The following TEX26 variants were observed in gnomAD, a reference collection of about 807,000 sequenced individuals.
The protein encoded by TEX26 is testis-expressed protein 26.
TEX26 carries 34 observed loss-of-function variants against 35.3 expected under a neutral mutation model. The observed-to-expected ratio is 0.96, with a 90% CI of 0.73 to 1.28. TEX26 has a LOEUF of 1.28. Ranked by LOEUF, TEX26 falls within the 50% of genes most tolerant of loss-of-function variation. The probability of loss-of-function intolerance (pLI) is 0.00; values close to 1 mark genes in which losing one functional copy is unlikely to be tolerated. For missense variants in TEX26, 371 were observed against 330.1 expected (o/e 1.12, Z -0.96); for synonymous variants, 136 against 111.8 (o/e 1.22, Z -1.36).
intron 2 of TEX26, among the ~76,000 whole-genome samples, chr13:30,948,144 G>C (rs1260249763): frequency 6.6e-6 from 1 of 152,096 alleles, no homozygotes; most frequent in Non-Finnish European, 1.5e-5. Flanking sequence ...TATCATTGTG[G>C]GACATTTGGG....
At chr13:30,958,482 C>T (rs1001722440) in intron 4 of TEX26, among the ~76,000 whole-genome samples, 3 of 152,152 alleles carry the variant, frequency 2.0e-5, no homozygotes, top group Non-Finnish European at 4.4e-5. Flanking sequence ...TAATGACACC[C>T]AGTGACTGCT....
intron 4 of TEX26, among the ~76,000 whole-genome samples, chr13:30,958,510 C>T (rs150790317): frequency 6.2e-4 from 94 of 152,246 alleles, no homozygotes; most frequent in African/African-American, 2.1e-3. Context: ...GCTGGCTGCC[C>T]TGTGGGCTCT....
At chr13:30,957,636 G>A (rs530906434) in intron 4 of TEX26, among the ~76,000 whole-genome samples, 94 of 152,272 alleles carry the variant, frequency 6.2e-4, no homozygotes, top group African/African-American at 2.0e-3. Flanking sequence ...TTAGGGGAGC[G>A]CAGAGAGGAG....
At chr13:30,972,716 C>T (rs1350060932) in intron 6 of TEX26, among the ~76,000 whole-genome samples, 9 of 152,218 alleles carry the variant, frequency 5.9e-5, no homozygotes, top group African/African-American at 1.7e-4. Flanking sequence ...CTCACTGCAA[C>T]GTCTGCCTTG....
chr13:30,951,858 A>C (rs935606835), intron 2 of TEX26, among the ~76,000 whole-genome samples: 3 of 151,972 alleles, frequency 2.0e-5, no homozygotes, highest in Non-Finnish European at 4.4e-5. Context: ...CAGTGGTTTG[A>C]AATTGAATCT....
At chr13:30,968,838 C>T in intron 5 of TEX26, 47 bp from the exon 6 acceptor site, 3 of 1,583,920 alleles carry the variant, frequency 1.9e-6, no homozygotes, top group Non-Finnish European at 2.6e-6. Flanking sequence ...GACTGGTGTG[C>T]TTGGGTGCCA....
chr13:30,944,734 T>C (rs1307313777), intron 2 of TEX26, among the ~76,000 whole-genome samples: 3 of 151,946 alleles, frequency 2.0e-5, no homozygotes, highest in Non-Finnish European at 4.4e-5. Flanking sequence ...GTTTAATTTC[T>C]ATGTATTTGT....
intron 4 of TEX26, among the ~76,000 whole-genome samples, chr13:30,963,323 CAGGTT>C (rs1954418148): frequency 6.6e-6 from 1 of 152,106 alleles, no homozygotes; most frequent in Non-Finnish European, 1.5e-5. Flanking sequence ...GTCATTGGGT[CAGGTT>C]AGCTCTAACT....
chr13:30,945,523 A>G (rs2138209761), intron 2 of TEX26, among the ~76,000 whole-genome samples: 1 of 150,896 alleles, frequency 6.6e-6, no homozygotes, highest in African/African-American at 2.4e-5. Flanking sequence ...GTTTTTTTTC[A>G]TTGTGTTATT....
At chr13:30,946,615 A>T (rs1309630243) in intron 2 of TEX26, among the ~76,000 whole-genome samples, 1 of 151,740 alleles carries the variant, frequency 6.6e-6, no homozygotes, top group Non-Finnish European at 1.5e-5. Flanking sequence ...TTGATTTTTT[A>T]AAATTTCTTT....
chr13:30,936,298 G>A (rs1431709141), intron 1 of TEX26, among the ~76,000 whole-genome samples: 1 of 152,138 alleles, frequency 6.6e-6, no homozygotes, highest in East Asian at 1.9e-4. Flanking sequence ...GGATTGTCAA[G>A]GTTAGCAGAA....
chr13:30,961,954 C>T (rs1160342590), intron 4 of TEX26, among the ~76,000 whole-genome samples: 1 of 152,204 alleles, frequency 6.6e-6, no homozygotes, highest in Non-Finnish European at 1.5e-5. Flanking sequence ...AGAACCTCCA[C>T]ATTTGTATCT....
intron 2 of TEX26, among the ~76,000 whole-genome samples, chr13:30,940,635 C>CCCAT (rs1384412208): frequency 1.3e-5 from 2 of 152,104 alleles, no homozygotes; most frequent in Admixed American, 6.6e-5. Flanking sequence ...ATCCGGCTGC[C>CCCAT]CCATCATCTT....
intron 4 of TEX26, among the ~76,000 whole-genome samples, chr13:30,961,416 A>C (rs924665048): frequency 3.3e-5 from 5 of 152,206 alleles, no homozygotes; most frequent in Non-Finnish European, 7.3e-5. Flanking sequence ...TGAGCCTGCA[A>C]GTGTTCTGTA....
chr13:30,968,423 G>A (rs1454153954), intron 5 of TEX26, among the ~76,000 whole-genome samples: 1 of 152,196 alleles, frequency 6.6e-6, no homozygotes, highest in African/African-American at 2.4e-5. Flanking sequence ...CATCAGTGCA[G>A]ATTCCCTGTG....
chr13:30,934,812 A>C (rs555135134), intron 1 of TEX26, among the ~76,000 whole-genome samples: 5 of 152,314 alleles, frequency 3.3e-5, no homozygotes, highest in African/African-American at 1.2e-4. Context: ...GGAGCCCTGC[A>C]GTCCTGGGCG....
At chr13:30,963,722 G>A (rs745868078) in intron 4 of TEX26, among the ~76,000 whole-genome samples, 10 of 152,308 alleles carry the variant, frequency 6.6e-5, no homozygotes, top group Non-Finnish European at 1.2e-4. Context: ...GAGACTCTTT[G>A]TAGTCTGCAA....
chr13:30,948,525 G>C (rs552374005), intron 2 of TEX26, among the ~76,000 whole-genome samples: 1 of 152,210 alleles, frequency 6.6e-6, no homozygotes, highest in East Asian at 1.9e-4. Flanking sequence ...TTTTTTGGTC[G>C]CATAAATCTC....
intron 4 of TEX26, among the ~76,000 whole-genome samples, chr13:30,964,978 A>C (rs1429727464): frequency 6.6e-6 from 1 of 152,196 alleles, no homozygotes. Flanking sequence ...GCGGGGACAC[A>C]TTCAAATCAT....
Sources: gnomAD v4.1 joint callset for allele counts (sites outside exome capture counted in the v4.1 genomes callset) on GRCh38, gnomAD v4.1.1 for gene constraint, MANE v1.5 for transcripts, NCBI Gene and HGNC (gene_info 2026-07-23, HGNC 2026-07-21) for gene names.